The following CRACD variants were observed in gnomAD, a reference collection of about 807,000 sequenced individuals.
CRACD encodes the protein capping protein inhibiting regulator of actin dynamics.
In CRACD, 56 loss-of-function variants were observed where a neutral mutation model predicts 106.8. The observed-to-expected ratio is 0.52, with a 90% CI of 0.42 to 0.66. The LOEUF (loss-of-function observed/expected upper bound fraction) is 0.66, where lower values mean the gene tolerates loss of function less well. CRACD is among the 30% of genes least tolerant of loss of function. CRACD has a pLI of 0.00. For missense variants in CRACD, 1,730 were observed against 1,623.2 expected, an observed-to-expected ratio of 1.07 and a Z score of -1.13; for synonymous variants, 754 against 670.8, an observed-to-expected ratio of 1.12 and a Z score of -1.92.
chr4:56,125,855 T>TC (rs1734645173), intron 1 of CRACD, among the ~76,000 whole-genome samples: 1 of 133,942 alleles, frequency 7.5e-6, no homozygotes, highest in African/African-American at 2.8e-5. Context: ...CACTGCAACC[T>TC]CCGCCTCCCA....
intron 1 of CRACD, among the ~76,000 whole-genome samples, chr4:56,064,472 A>G (rs1732392178): frequency 6.6e-6 from 1 of 152,178 alleles, no homozygotes; most frequent in African/African-American, 2.4e-5. Context: ...GCTCTTTCAT[A>G]TACCTGATCT....
chr4:56,313,163 C>G (rs774549596), intron 6 of CRACD, 34 bp from the exon 7 acceptor site: 1 of 1,587,636 alleles, frequency 6.3e-7, no homozygotes, highest in Non-Finnish European at 8.6e-7. Flanking sequence ...GTCTTCTGAT[C>G]CCAACTGACT....
intron 2 of CRACD, among the ~76,000 whole-genome samples, chr4:56,235,554 A>T (rs1739917343): frequency 6.6e-6 from 1 of 152,202 alleles, no homozygotes; most frequent in African/African-American, 2.4e-5. Context: ...TCACAGTTGC[A>T]CAAGTGTACA....
chr4:56,215,483 A>G (rs1430461629), intron 2 of CRACD, among the ~76,000 whole-genome samples: 1 of 152,242 alleles, frequency 6.6e-6, no homozygotes, highest in Non-Finnish European at 1.5e-5. Flanking sequence ...GCACTTGTGC[A>G]TATGATTGAA....
chr4:56,316,473 C>G lies in CRACD; in HGVS notation c.2971C>G (p.Arg991Gly). Residue 991 changes from arginine to glycine, a missense_variant, in exon 8 of 11, where the codon CGC becomes GGC. Arg to Gly is a moderately radical substitution (Grantham distance 125, BLOSUM62 -2). Coordinates refer to ENST00000682029, the MANE Select transcript of CRACD (RefSeq NM_001393381.1). ...GCCCTACTTGGTAGAGCTGCTGTCT[C>G]GCCGAGCGGGGAGGCCGGACCCAGA... ...SRPYLVELLS[R>G]RAGRPDPEPS... 1 of 1,613,898 alleles carries G rather than the reference C, an allele frequency of 6.2e-7. No homozygotes were observed. Among genetic ancestry groups the G allele is most frequent in the East Asian group, 2.2e-5 (1 of 44,856 alleles).
intron 1 of CRACD, among the ~76,000 whole-genome samples, chr4:56,118,398 A>G (rs1426907560): frequency 2.0e-5 from 3 of 152,242 alleles, no homozygotes; most frequent in Non-Finnish European, 4.4e-5. Context: ...TTTGATTTCA[A>G]TAATCCTACA....
intron 1 of CRACD, among the ~76,000 whole-genome samples, chr4:56,113,550 G>A (rs1458696854): frequency 8.5e-6 from 1 of 117,812 alleles, no homozygotes; most frequent in East Asian, 2.4e-4. Context: ...TATTTTAAAT[G>A]TATTTTTAGA....
chr4:56,211,144 G>T (rs1738382146), intron 2 of CRACD, among the ~76,000 whole-genome samples: 1 of 152,118 alleles, frequency 6.6e-6, no homozygotes, highest in Non-Finnish European at 1.5e-5. Context: ...AATTTTAAAT[G>T]ACCTTTAGTA....
chr4:56,090,014 A>G (rs529069329), intron 1 of CRACD, among the ~76,000 whole-genome samples: 70 of 152,280 alleles, frequency 4.6e-4, no homozygotes, highest in South Asian at 1.7e-3. Context: ...TTGCTTAACC[A>G]AAATATTCTG....
At chr4:56,090,102 C>T (rs1471876851) in intron 1 of CRACD, among the ~76,000 whole-genome samples, 5 of 151,256 alleles carry the variant, frequency 3.3e-5, no homozygotes, top group Admixed American at 2.6e-4. Context: ...ATTCTGCCTT[C>T]CTTAATCAGA....
At chr4:56,168,912 A>G (rs890202933) in intron 1 of CRACD, among the ~76,000 whole-genome samples, 3 of 152,160 alleles carry the variant, frequency 2.0e-5, no homozygotes, top group Admixed American at 6.5e-5. Flanking sequence ...CTGAGAACCT[A>G]ATGACCGTTT....
At chr4:56,219,283 A>G (rs1372384762) in intron 2 of CRACD, among the ~76,000 whole-genome samples, 1 of 152,220 alleles carries the variant, frequency 6.6e-6, no homozygotes, top group Non-Finnish European at 1.5e-5. Context: ...GATTAAGGAA[A>G]TGGAATGGAG....
At chr4:56,255,858 T>A (rs1351863913) in intron 2 of CRACD, among the ~76,000 whole-genome samples, 1 of 152,206 alleles carries the variant, frequency 6.6e-6, no homozygotes, top group South Asian at 2.1e-4. Flanking sequence ...CCATTTACCT[T>A]GTAACCAAAA....
At chr4:56,269,361 C>G (rs546042571) in intron 2 of CRACD, among the ~76,000 whole-genome samples, 1 of 151,372 alleles carries the variant, frequency 6.6e-6, no homozygotes, top group Admixed American at 6.6e-5. Flanking sequence ...CCAACCTGGG[C>G]GACAGAGTGA....
chr4:56,304,022 T>C (rs567471932), intron 4 of CRACD, among the ~76,000 whole-genome samples: 1 of 152,340 alleles, frequency 6.6e-6, no homozygotes, highest in South Asian at 2.1e-4. Context: ...AGCATGATGC[T>C]GATTTTGCCA....
In CRACD at chr4:56,315,063, G is replaced by C. The variant is rs1225897176; in HGVS notation, c.1561G>C (p.Glu521Gln). The change falls in exon 8 of 11, where the codon GAG becomes CAG. Residue 521 changes from glutamate (E) to glutamine (Q), a missense_variant. Physicochemically the swap from Glu to Gln is conservative, Grantham distance 29. This residue lies in a region of CRACD where 1,620 missense variants were observed against 1,481.6 expected (regional missense o/e 1.09). Transcript: ENST00000682029. The surrounding 1 kb of genome is among the most constrained non-coding windows in gnomAD (Gnocchi z 4.1). ...CCTTGAACAAGGCCGCAAGGTGGAG[G>C]AGCTGCGGTGGCAGGAGGTGGACGA... ...AALEQGRKVE[E>Q]LRWQEVDERQ... 3 of 1,609,630 alleles carry C rather than the reference G, an allele frequency of 1.9e-6. No homozygotes were observed. Among genetic ancestry groups the C allele is most frequent in the Non-Finnish European group, 2.5e-6 (3 of 1,178,704 alleles).
chr4:56,319,367 G>A (rs574094104), intron 8 of CRACD, among the ~76,000 whole-genome samples: 1 of 152,272 alleles, frequency 6.6e-6, no homozygotes, highest in Admixed American at 6.5e-5. Flanking sequence ...CACTTTGGGA[G>A]GCTGAGGTGG....
chr4:56,157,490 T>C (rs543167425), intron 1 of CRACD, among the ~76,000 whole-genome samples: 4 of 152,270 alleles, frequency 2.6e-5, no homozygotes, highest in African/African-American at 7.2e-5. Context: ...CTCTGGAAGA[T>C]TGACTGGAGG....
chr4:56,191,086 C>T (rs1001774348), intron 2 of CRACD, among the ~76,000 whole-genome samples: 18 of 152,128 alleles, frequency 1.2e-4, no homozygotes, highest in African/African-American at 4.3e-4. Context: ...AATAATGTAT[C>T]CCAAAATTAT....
Sources: gnomAD v4.1 joint callset for allele counts (sites outside exome capture counted in the v4.1 genomes callset) on GRCh38, gnomAD v4.1.1 for gene constraint, gnomAD v4.1.1 regional missense constraint, Gnocchi (gnomAD v3.1) non-coding constraint, MANE v1.5 for transcripts, NCBI Gene and HGNC (gene_info 2026-07-23, HGNC 2026-07-21) for gene names.